The following TP63 variants were observed in gnomAD, a reference collection of about 807,000 sequenced individuals.
The protein encoded by TP63 is tumor protein p63.
Under a neutral mutation model 82.8 loss-of-function variants are expected in TP63, and 17 were observed. The ratio of observed to expected loss-of-function variants is 0.21; its 90% CI spans 0.14 to 0.31. The LOEUF is 0.31. TP63 is among the 10% of genes least tolerant of loss of function. TP63 has a pLI of 1.00. For synonymous variants in TP63, 330 were observed against 321.7 expected (o/e 1.03, Z -0.28); for missense variants, 648 against 895.3 (o/e 0.72, Z 3.52).
chr3:189,623,787 C>A, the TP63 span, among the ~76,000 whole-genome samples: 1 of 152,148 alleles, frequency 6.6e-6, no homozygotes, highest in African/African-American at 2.4e-5. Context: ...AAGCAATCAA[C>A]CAAATGCATT....
chr3:189,802,177 T>G (rs1335615527), intron 3 of TP63, among the ~76,000 whole-genome samples: 1 of 152,166 alleles, frequency 6.6e-6, no homozygotes, highest in Non-Finnish European at 1.5e-5. Context: ...CCTGCTGATA[T>G]TTGGGGATGG....
upstream of TP63, among the ~76,000 whole-genome samples, chr3:189,628,854 T>A (rs1303479826): frequency 5.9e-5 from 9 of 152,162 alleles, no homozygotes; most frequent in African/African-American, 1.9e-4. Context: ...TGGTGTTCTG[T>A]TGAATTCTAG....
intron 3 of TP63, among the ~76,000 whole-genome samples, chr3:189,759,659 G>C (rs1426405194): frequency 6.6e-6 from 1 of 152,164 alleles, no homozygotes; most frequent in African/African-American, 2.4e-5. Context: ...ATTGGCAACT[G>C]TTTATTTTAA....
the TP63 span, among the ~76,000 whole-genome samples, chr3:189,602,759 C>G: frequency 6.6e-6 from 1 of 152,072 alleles, no homozygotes; most frequent in Non-Finnish European, 1.5e-5. Context: ...TTCACAAATT[C>G]TGGATTGTGC....
intron 10 of TP63, among the ~76,000 whole-genome samples, chr3:189,876,066 A>G (rs945643931): frequency 2.0e-5 from 3 of 152,138 alleles, no homozygotes; most frequent in Non-Finnish European, 2.9e-5. Flanking sequence ...TTTAATGGTG[A>G]ATTTCTAACC....
At chr3:189,676,901 G>A (rs889487093) in intron 1 of TP63, among the ~76,000 whole-genome samples, 3 of 151,966 alleles carry the variant, frequency 2.0e-5, no homozygotes, top group African/African-American at 7.3e-5. Flanking sequence ...CCACGAAACT[G>A]GTCCCTGGTG....
chr3:189,735,894 A>T (rs1271748884), intron 1 of TP63, among the ~76,000 whole-genome samples: 1 of 152,112 alleles, frequency 6.6e-6, no homozygotes, highest in Non-Finnish European at 1.5e-5. Flanking sequence ...CTGAGGATTT[A>T]TGGGTCAGGT....
intron 3 of TP63, among the ~76,000 whole-genome samples, chr3:189,787,505 TTGTCCAGAATC>T (rs1724705248): frequency 7.0e-6 from 1 of 143,104 alleles, no homozygotes; most frequent in Non-Finnish European, 1.6e-5. Context: ...GTCTTAGATT[TTGTCCAGAATC>T]TTTGTAGATA....
chr3:189,667,425 T>C (rs1462443278), intron 1 of TP63, among the ~76,000 whole-genome samples: 1 of 152,012 alleles, frequency 6.6e-6, no homozygotes, highest in Non-Finnish European at 1.5e-5. Flanking sequence ...TACTCGCCTC[T>C]ACCTCCCAAA....
chr3:189,822,427 G>A (rs1728890835), intron 4 of TP63, among the ~76,000 whole-genome samples: 1 of 152,060 alleles, frequency 6.6e-6, no homozygotes, highest in Admixed American at 6.5e-5. Context: ...ATCTGAAATG[G>A]TCCATAGAAG....
chr3:189,846,003 A>G (rs62279958), intron 4 of TP63, among the ~76,000 whole-genome samples: 1 of 151,862 alleles, frequency 6.6e-6, no homozygotes, highest in African/African-American at 2.4e-5. Context: ...GTGTGCTGAT[A>G]TTACCTGGCA....
At chr3:189,768,454 A>G (rs889097722) in intron 3 of TP63, among the ~76,000 whole-genome samples, 1 of 152,142 alleles carries the variant, frequency 6.6e-6, no homozygotes, top group Non-Finnish European at 1.5e-5. Context: ...TCGAATCACA[A>G]ACGTAGGTAG....
chr3:189,686,731 G>GTTTT (rs35520871), intron 1 of TP63, among the ~76,000 whole-genome samples: 6 of 114,252 alleles, frequency 5.3e-5, no homozygotes, highest in Non-Finnish European at 5.2e-5. Flanking sequence ...CAGGGGCAGG[G>GTTTT]TTTTTTTTTT....
intron 1 of TP63, among the ~76,000 whole-genome samples, chr3:189,655,626 A>T (rs1396854414): frequency 2.6e-5 from 4 of 152,212 alleles, no homozygotes; most frequent in African/African-American, 9.6e-5. Context: ...TGTCTCAAAA[A>T]AAAAGAAAAA....
chr3:189,754,696 C>T (rs1722057890), intron 3 of TP63, among the ~76,000 whole-genome samples: 1 of 152,140 alleles, frequency 6.6e-6, no homozygotes, highest in African/African-American at 2.4e-5. Context: ...TTCACAATGT[C>T]ACTTAACTTT....
chr3:189,772,404 G>A (rs1723446608), intron 3 of TP63, among the ~76,000 whole-genome samples: 1 of 152,176 alleles, frequency 6.6e-6, no homozygotes, highest in Non-Finnish European at 1.5e-5. Flanking sequence ...ACTATACTAT[G>A]ATGCTTCCTT....
intron 1 of TP63, among the ~76,000 whole-genome samples, chr3:189,718,612 C>T (rs937116832): frequency 8.6e-5 from 13 of 151,424 alleles, no homozygotes; most frequent in Admixed American, 2.6e-4. Flanking sequence ...AACCATATCA[C>T]CTGAAAATAC....
At chr3:189,739,512 C>G (rs542159287) in intron 3 of TP63, among the ~76,000 whole-genome samples, 1 of 152,168 alleles carries the variant, frequency 6.6e-6, no homozygotes, top group Non-Finnish European at 1.5e-5. Context: ...AATTTATGCA[C>G]ATGAATTCTA....
chr3:189,691,356 A>AAG (rs1560113356), intron 1 of TP63, among the ~76,000 whole-genome samples: 1 of 137,026 alleles, frequency 7.3e-6, no homozygotes, highest in Admixed American at 7.3e-5. Flanking sequence ...AAAAAAAAAA[A>AAG]AAAAGAAAAA....
Sources: gnomAD v4.1 joint callset for allele counts (sites outside exome capture counted in the v4.1 genomes callset) on GRCh38, gnomAD v4.1.1 for gene constraint, MANE v1.5 for transcripts, NCBI Gene and HGNC (gene_info 2026-07-23, HGNC 2026-07-21) for gene names.